SENP7: variants seen among roughly 807,000 people sequenced by gnomAD.
SENP7 encodes the protein SUMO specific peptidase 7, also known as sentrin-specific protease 7.
Under a neutral mutation model 141.2 loss-of-function variants are expected in SENP7, and 64 were observed. The observed-to-expected ratio is 0.45, with a 90% CI of 0.37 to 0.56. The LOEUF (loss-of-function observed/expected upper bound fraction) is 0.56, where lower values mean the gene tolerates loss of function less well. Among genes scored for constraint, SENP7 ranks in the 20% least tolerant of loss-of-function variants. The pLI, the probability that SENP7 is intolerant of heterozygous loss-of-function variation, is 0.00. For missense variants in SENP7, 1,025 were observed against 1,212.2 expected, an observed-to-expected ratio of 0.85 and a Z score of 2.29; for synonymous variants, 382 against 426.4, an observed-to-expected ratio of 0.90 and a Z score of 1.28.
intron 4 of SENP7, among the ~76,000 whole-genome samples, chr3:101,431,457 T>A (rs1303640837): frequency 6.6e-6 from 1 of 151,750 alleles, no homozygotes; most frequent in Non-Finnish European, 1.5e-5. Context: ...GTTTTTCTGA[T>A]CTTGGTTGGT....
intron 3 of SENP7, among the ~76,000 whole-genome samples, 172 bp from the exon 4 acceptor site, chr3:101,459,224 G>T (rs983396487): frequency 6.6e-6 from 1 of 152,070 alleles, no homozygotes; most frequent in Non-Finnish European, 1.5e-5. Flanking sequence ...ATGCATAAAT[G>T]TAAGTCCACC....
chr3:101,463,416 T>TATACACATATATATATATATAC lies in SENP7; in HGVS notation c.187-4365_187-4364insGTATATATATATATATGTGTAT, dbSNP rs1175438899. Among the ~76,000 whole-genome samples the TATACACATATATATATATATAC allele has an allele frequency of 6.9e-5, 8 of 116,486 alleles. 1 individual carries two copies. The highest frequency in any genetic ancestry group is 6.1e-4 in the Admixed American group (6 of 9,884). The allele number at this position is 116,486 out of a possible 152,430, so 76.4% of individuals were successfully genotyped here. On this transcript the variant is annotated intron_variant, in intron 3 of 23. Coordinates refer to ENST00000394095, the MANE Select transcript of SENP7 (RefSeq NM_020654.5). ...ATATATACATATATATATATATATA[T>TATACACATATATATATATATAC]ACACACACATATAAAATAAAAACTC...
intron 6 of SENP7, among the ~76,000 whole-genome samples, chr3:101,398,379 G>C (rs1401309539): frequency 2.0e-5 from 3 of 152,214 alleles, no homozygotes; most frequent in African/African-American, 7.2e-5. Flanking sequence ...AGAATCGCTT[G>C]AACCTGGGAG....
intron 2 of SENP7, among the ~76,000 whole-genome samples, chr3:101,499,575 G>T (rs148085114): frequency 7.4e-6 from 1 of 134,528 alleles, no homozygotes; most frequent in Non-Finnish European, 1.6e-5. Context: ...TCGCTCTGTC[G>T]CCCAGTCTAG....
At chr3:101,399,387 A>G (rs2061066073) in intron 5 of SENP7, among the ~76,000 whole-genome samples, 1 of 152,218 alleles carries the variant, frequency 6.6e-6, no homozygotes, top group Non-Finnish European at 1.5e-5. Context: ...AATTATTAAA[A>G]ACACAGCTTA....
intron 3 of SENP7, among the ~76,000 whole-genome samples, chr3:101,464,061 G>A (rs1465864881): frequency 1.3e-5 from 2 of 151,952 alleles, no homozygotes; most frequent in Non-Finnish European, 2.9e-5. Context: ...CATGACTTCA[G>A]GTGATCCAGC....
chr3:101,375,091 A>C (rs2060283638), intron 6 of SENP7, among the ~76,000 whole-genome samples: 1 of 152,090 alleles, frequency 6.6e-6, no homozygotes, highest in Non-Finnish European at 1.5e-5. Flanking sequence ...GAGTAATTTA[A>C]AAAAAAATTT....
At chr3:101,337,729 T>A in intron 16 of SENP7, 98 bp from the exon 17 acceptor site, 1 of 1,081,156 alleles carries the variant, frequency 9.2e-7, no homozygotes, top group Non-Finnish European at 1.3e-6. Flanking sequence ...ATTTTTTATC[T>A]ATTTTGATTC....
chr3:101,398,759 C>G, intron 6 of SENP7, 102 bp downstream of exon 6: 1 of 878,694 alleles, frequency 1.1e-6, no homozygotes, highest in Non-Finnish European at 1.7e-6. Flanking sequence ...TATCAGAGCA[C>G]ATTTACCTCA....
At chr3:101,379,639 A>G (rs560533665) in intron 6 of SENP7, among the ~76,000 whole-genome samples, 91 of 152,212 alleles carry the variant, frequency 6.0e-4, no homozygotes, top group Non-Finnish European at 1.1e-3. Flanking sequence ...ATTCCACCTC[A>G]CATGCATTAG....
chr3:101,445,482 GAGAA>G (rs1203251976), intron 4 of SENP7, among the ~76,000 whole-genome samples: 1 of 151,334 alleles, frequency 6.6e-6, no homozygotes, highest in Non-Finnish European at 1.5e-5. Context: ...AAACAATAAA[GAGAA>G]AGAAAGGAAC....
At chr3:101,383,012 T>C (rs536590922) in intron 6 of SENP7, among the ~76,000 whole-genome samples, 4 of 152,262 alleles carry the variant, frequency 2.6e-5, no homozygotes, top group South Asian at 2.1e-4. Context: ...CAGAAACTCA[T>C]ATAAGAAATT....
intron 5 of SENP7, among the ~76,000 whole-genome samples, chr3:101,400,591 C>T (rs1215171194): frequency 6.6e-6 from 1 of 151,186 alleles, no homozygotes; most frequent in Non-Finnish European, 1.5e-5. Flanking sequence ...ACAAACCATG[C>T]ATGCATAAGA....
chr3:101,342,938 T>A (rs1007399144), intron 14 of SENP7, among the ~76,000 whole-genome samples: 2 of 152,194 alleles, frequency 1.3e-5, no homozygotes, highest in Non-Finnish European at 2.9e-5. Context: ...AGTGCTGGGA[T>A]TACAGGTGTA....
chr3:101,484,956 G>A (rs1180881357), intron 3 of SENP7, among the ~76,000 whole-genome samples: 1 of 152,018 alleles, frequency 6.6e-6, no homozygotes. Flanking sequence ...CATTTTACCT[G>A]GTAGCTGGGT....
At position 101,325,727 on chromosome 3, in the gene SENP7, T is replaced by C. The variant is rs2058882773; in HGVS notation, c.*216A>G. ...AATATTTATAAAATTTTAATTTATA[T>C]CTAGTAAGTTTATCTATATCACCCC... On this transcript the variant is annotated 3_prime_UTR_variant, in exon 24 of 24. Coordinates refer to ENST00000394095, the MANE Select transcript of SENP7 (RefSeq NM_020654.5). 1 of 313,652 alleles carries C rather than the reference T, an allele frequency of 3.2e-6. No individual in the cohort carries two copies. Among genetic ancestry groups the C allele is most frequent in the Non-Finnish European group, 5.7e-6 (1 of 174,844 alleles). 19.4% of individuals were successfully genotyped at this position (313,652 alleles called of 1,614,324 possible). A position where few individuals can be genotyped will look rare whatever the true frequency, so the allele number is the denominator to read the frequency against.
intron 5 of SENP7, among the ~76,000 whole-genome samples, chr3:101,406,447 G>T (rs1006789300): frequency 1.3e-5 from 2 of 151,898 alleles, no homozygotes; most frequent in African/African-American, 2.4e-5. Context: ...GTGGGGGGAG[G>T]GGGGAAGGAT....
chr3:101,489,504 C>G (rs199912240), intron 3 of SENP7, among the ~76,000 whole-genome samples: 1 of 115,680 alleles, frequency 8.6e-6, no homozygotes, highest in Non-Finnish European at 1.9e-5. Context: ...GAGCAGGAGC[C>G]ACTATTCTTA....
intron 4 of SENP7, among the ~76,000 whole-genome samples, chr3:101,426,349 G>A (rs2061957658): frequency 6.6e-6 from 1 of 152,168 alleles, no homozygotes; most frequent in South Asian, 2.1e-4. Context: ...CAGACTAACA[G>A]CAGACATCTC....
Sources: allele counts gnomAD v4.1 joint callset (sites outside exome capture counted in the v4.1 genomes callset), GRCh38; gene constraint gnomAD v4.1.1; transcripts MANE v1.5; gene names NCBI Gene and HGNC (gene_info 2026-07-23, HGNC 2026-07-21).